Variants in CRACD observed in about 807,000 individuals in gnomAD.
CRACD encodes capping protein-inhibiting regulator of actin dynamics.
In CRACD, 56 loss-of-function variants were observed where a neutral mutation model predicts 106.8. The observed-to-expected ratio is 0.52, with a 90% CI of 0.42 to 0.66. The LOEUF is 0.66. Ranked by LOEUF, CRACD falls within the 30% of genes least tolerant of loss-of-function variation. CRACD has a pLI of 0.00. For missense variants in CRACD, 1,730 were observed against 1,623.2 expected (o/e 1.07, Z -1.13); for synonymous variants, 754 against 670.8 (o/e 1.12, Z -1.92).
chr4:56,132,511 T>G (rs1289700413), intron 1 of CRACD, among the ~76,000 whole-genome samples: 1 of 151,868 alleles, frequency 6.6e-6, no homozygotes, highest in Non-Finnish European at 1.5e-5. Flanking sequence ...TTTGGTTAAT[T>G]TTTTTGTATT....
intron 1 of CRACD, among the ~76,000 whole-genome samples, chr4:56,098,268 GGTACA>G (rs945898193): frequency 2.0e-4 from 31 of 152,268 alleles, no homozygotes; most frequent in African/African-American, 7.2e-4. Flanking sequence ...AAGGTTTTCT[GGTACA>G]GTAGAGTGAT....
intron 2 of CRACD, among the ~76,000 whole-genome samples, chr4:56,267,627 A>G (rs1263748058): frequency 6.6e-6 from 1 of 151,928 alleles, no homozygotes; most frequent in African/African-American, 2.4e-5. Context: ...TTTTTTTCTT[A>G]CGGTAAGAAG....
intron 1 of CRACD, among the ~76,000 whole-genome samples, chr4:56,086,934 G>A (rs1265756505): frequency 2.6e-5 from 4 of 152,038 alleles, no homozygotes; most frequent in African/African-American, 4.8e-5. Flanking sequence ...TCTACCACAG[G>A]TACTGGGTAC....
intron 1 of CRACD, among the ~76,000 whole-genome samples, chr4:56,075,885 C>T (rs373776280): frequency 3.3e-5 from 5 of 152,118 alleles, no homozygotes; most frequent in African/African-American, 1.2e-4. Flanking sequence ...TCACATTTTG[C>T]TGAGTTTCTG....
intron 2 of CRACD, among the ~76,000 whole-genome samples, chr4:56,229,312 G>A (rs1455551866): frequency 5.3e-5 from 8 of 152,106 alleles, no homozygotes; most frequent in Admixed American, 2.6e-4. Context: ...AGCCCCTTTT[G>A]CCCTTCCATC....
intron 1 of CRACD, among the ~76,000 whole-genome samples, chr4:56,161,961 A>T (rs1288712525): frequency 2.6e-5 from 4 of 151,340 alleles, no homozygotes; most frequent in Non-Finnish European, 5.9e-5. Context: ...ATGGGGTTTC[A>T]CCTCGTTGGC....
intron 1 of CRACD, among the ~76,000 whole-genome samples, chr4:56,141,530 G>C (rs1451339077): frequency 1.3e-5 from 2 of 151,834 alleles, no homozygotes; most frequent in Non-Finnish European, 2.9e-5. Flanking sequence ...CCAGGAGGTC[G>C]AGCCTGCAGT....
At chr4:56,219,237 C>A (rs568615351) in intron 2 of CRACD, among the ~76,000 whole-genome samples, 1 of 152,156 alleles carries the variant, frequency 6.6e-6, no homozygotes, top group African/African-American at 2.4e-5. Flanking sequence ...GTGGGCTAGA[C>A]CACAGTAGGT....
intron 8 of CRACD, chr4:56,321,253 G>A: frequency 4.7e-6 from 1 of 214,490 alleles, no homozygotes; most frequent in South Asian, 7.7e-5. Context: ...CTGGGATTGG[G>A]GTAAAATGCT....
At chr4:56,281,985 G>C (rs612284) in intron 3 of CRACD, among the ~76,000 whole-genome samples, 71,081 of 152,016 alleles carry the variant, frequency 0.47, 17,500 homozygotes, top group African/African-American at 0.63. Flanking sequence ...CTATCAAATA[G>C]CGTATATTTT....
chr4:56,310,790 C>T (rs1308116182), intron 6 of CRACD, 56 bp downstream of exon 6: 11 of 831,248 alleles, frequency 1.3e-5, no homozygotes, highest in East Asian at 3.1e-5. Flanking sequence ...CTTTCATCTT[C>T]CCCCCCCCTT....
intron 2 of CRACD, among the ~76,000 whole-genome samples, chr4:56,227,968 C>G (rs534723969): frequency 3.9e-5 from 6 of 152,128 alleles, no homozygotes; most frequent in African/African-American, 1.4e-4. Context: ...AGTATTGAGG[C>G]TAATTCTTTA....
intron 3 of CRACD, among the ~76,000 whole-genome samples, chr4:56,278,916 A>C (rs1389077634): frequency 6.6e-6 from 1 of 152,218 alleles, no homozygotes; most frequent in Non-Finnish European, 1.5e-5. Flanking sequence ...CCATCAGGGA[A>C]GTACAAATCA....
At chr4:56,104,149 A>G (rs893213825) in intron 1 of CRACD, among the ~76,000 whole-genome samples, 1 of 152,146 alleles carries the variant, frequency 6.6e-6, no homozygotes, top group Admixed American at 6.5e-5. Flanking sequence ...GTGATCCCGG[A>G]GCTTTGGGAG....
intron 2 of CRACD, among the ~76,000 whole-genome samples, chr4:56,235,530 C>G (rs1369220764): frequency 6.6e-6 from 1 of 152,114 alleles, no homozygotes; most frequent in African/African-American, 2.4e-5. Context: ...TCAGACAAAC[C>G]ATTTTTCTAA....
At chr4:56,273,308 TCTTC>T (rs1224412354) in intron 3 of CRACD, among the ~76,000 whole-genome samples, 276 of 150,902 alleles carry the variant, frequency 1.8e-3, no homozygotes, top group Middle Eastern at 3.4e-3. Context: ...TTCCTTCCTT[TCTTC>T]CTTCCTTCCT....
intron 2 of CRACD, among the ~76,000 whole-genome samples, chr4:56,265,543 T>C (rs1183178155): frequency 1.3e-5 from 2 of 152,068 alleles, no homozygotes; most frequent in African/African-American, 4.8e-5. Context: ...TCACTGGTTG[T>C]TGAGAAAGTC....
At chr4:56,256,820 C>G (rs1429289711) in intron 2 of CRACD, among the ~76,000 whole-genome samples, 1 of 152,172 alleles carries the variant, frequency 6.6e-6, no homozygotes, top group Non-Finnish European at 1.5e-5. Context: ...TGAATGGACC[C>G]CTACTTGGCC....
chr4:56,182,710 C>T (rs1046582112), intron 2 of CRACD, among the ~76,000 whole-genome samples: 3 of 152,170 alleles, frequency 2.0e-5, no homozygotes, highest in Admixed American at 6.6e-5. Context: ...GAAGCCATTC[C>T]TCCTTCTAGC....
Sources: gnomAD v4.1 joint callset for allele counts (sites outside exome capture counted in the v4.1 genomes callset) on GRCh38, gnomAD v4.1.1 for gene constraint, MANE v1.5 for transcripts, NCBI Gene and HGNC (gene_info 2026-07-23, HGNC 2026-07-21) for gene names.